The following RALGAPA1 variants were observed in gnomAD, a reference collection of about 807,000 sequenced individuals.
RALGAPA1 encodes the protein ral GTPase-activating protein subunit alpha-1.
RALGAPA1 carries 52 observed loss-of-function variants against 269.6 expected under a neutral mutation model. The ratio of observed to expected loss-of-function variants is 0.19; its 90% CI spans 0.15 to 0.24. The LOEUF is 0.24. Among genes scored for constraint, RALGAPA1 ranks in the 10% least tolerant of loss-of-function variants. The pLI is 1.00. For synonymous variants in RALGAPA1, 817 were observed against 1,008.3 expected (o/e 0.81, Z 3.60); for missense variants, 1,917 against 3,013.9 (o/e 0.64, Z 8.52).
At chr14:35,552,782 C>T (rs2055152537) in intron 39 of RALGAPA1, among the ~76,000 whole-genome samples, 1 of 150,924 alleles carries the variant, frequency 6.6e-6, no homozygotes, top group Admixed American at 6.6e-5. Context: ...TCCACTAATC[C>T]TCCTTCCGCT....
intron 12 of RALGAPA1, among the ~76,000 whole-genome samples, chr14:35,731,522 A>G (rs1464333353): frequency 6.6e-6 from 1 of 152,212 alleles, no homozygotes; most frequent in Non-Finnish European, 1.5e-5. Flanking sequence ...TCAAGGAATT[A>G]AATAGCTTAA....
chr14:35,802,141 C>G (rs952693997), intron 1 of RALGAPA1, among the ~76,000 whole-genome samples: 24 of 152,146 alleles, frequency 1.6e-4, no homozygotes, highest in African/African-American at 5.6e-4. Flanking sequence ...AACCCCGTCT[C>G]TACTACAAAC....
chr14:35,648,113 GAAAAAAACAAAA>G (rs1288268038), intron 31 of RALGAPA1, among the ~76,000 whole-genome samples: 3 of 146,476 alleles, frequency 2.0e-5, no homozygotes, highest in Non-Finnish European at 3.0e-5. Context: ...CATCTCTACT[GAAAAAAACAAAA>G]AAAAAAACCA....
At chr14:35,581,660 G>A (rs527872739) in intron 37 of RALGAPA1, among the ~76,000 whole-genome samples, 1 of 152,212 alleles carries the variant, frequency 6.6e-6, no homozygotes, top group Non-Finnish European at 1.5e-5. Context: ...GGAAATACAA[G>A]TCAAAAGCAC....
intron 31 of RALGAPA1, among the ~76,000 whole-genome samples, chr14:35,641,056 C>T (rs1183798764): frequency 6.6e-6 from 1 of 151,856 alleles, no homozygotes; most frequent in Non-Finnish European, 1.5e-5. Flanking sequence ...CACCTCCTCC[C>T]CTCCCCCCAC....
At chr14:35,608,763 C>G (rs1045533418) in intron 35 of RALGAPA1, among the ~76,000 whole-genome samples, 2 of 152,122 alleles carry the variant, frequency 1.3e-5, no homozygotes, top group Non-Finnish European at 2.9e-5. Flanking sequence ...TTTTAATATC[C>G]CACTTTCAAT....
intron 39 of RALGAPA1, among the ~76,000 whole-genome samples, chr14:35,557,090 C>A: frequency 8.6e-6 from 1 of 116,408 alleles, no homozygotes. Context: ...TATGATTATC[C>A]AATATGTATG....
chr14:35,714,491 A>G (rs1425728317), intron 16 of RALGAPA1, among the ~76,000 whole-genome samples: 1 of 152,150 alleles, frequency 6.6e-6, no homozygotes, highest in East Asian at 1.9e-4. Flanking sequence ...TTTACCTTAT[A>G]TTTTTAAAGT....
intron 7 of RALGAPA1, among the ~76,000 whole-genome samples, chr14:35,752,571 G>C (rs1266786643): frequency 2.6e-5 from 4 of 152,150 alleles, no homozygotes; most frequent in Non-Finnish European, 4.4e-5. Context: ...ACAGGACGCA[G>C]GGCATCCATA....
At chr14:35,571,472 C>T (rs994685384) in intron 38 of RALGAPA1, among the ~76,000 whole-genome samples, 1 of 151,712 alleles carries the variant, frequency 6.6e-6, no homozygotes, top group South Asian at 2.1e-4. Flanking sequence ...GTCAAGAGTT[C>T]GAGACCAGCC....
intron 35 of RALGAPA1, among the ~76,000 whole-genome samples, chr14:35,610,527 C>T (rs2059866838): frequency 6.6e-6 from 1 of 152,116 alleles, no homozygotes; most frequent in Non-Finnish European, 1.5e-5. Context: ...TGTGATCCGC[C>T]CTCCTCCGTC....
At chr14:35,718,996 C>T (rs1432089976) in intron 16 of RALGAPA1, among the ~76,000 whole-genome samples, 1 of 151,968 alleles carries the variant, frequency 6.6e-6, no homozygotes, top group Non-Finnish European at 1.5e-5. Context: ...TGCGCCACCA[C>T]ACCCAGCTAA....
chr14:35,630,563 T>A (rs992361814), intron 33 of RALGAPA1, among the ~76,000 whole-genome samples: 1 of 152,198 alleles, frequency 6.6e-6, no homozygotes, highest in East Asian at 1.9e-4. Flanking sequence ...ATTACAAGTG[T>A]GAGTGACTGC....
chr14:35,665,843 C>G (rs2063885181), intron 26 of RALGAPA1, among the ~76,000 whole-genome samples: 1 of 152,044 alleles, frequency 6.6e-6, no homozygotes, highest in Non-Finnish European at 1.5e-5. Context: ...GGTATGTGCA[C>G]ATAATGGGAG....
At chr14:35,662,019 A>G (rs1299636975) in intron 27 of RALGAPA1, among the ~76,000 whole-genome samples, 4 of 152,214 alleles carry the variant, frequency 2.6e-5, no homozygotes, top group Middle Eastern at 3.2e-3. Context: ...GATGACGAAA[A>G]TGTTCTAATA....
intron 32 of RALGAPA1, 118 bp from the exon 33 acceptor site, chr14:35,634,875 T>A: frequency 9.6e-7 from 1 of 1,046,352 alleles, no homozygotes; most frequent in Non-Finnish European, 1.3e-6. Context: ...TTAAATATTT[T>A]AAAACATCAG....
intron 1 of RALGAPA1, among the ~76,000 whole-genome samples, chr14:35,800,052 T>C (rs1305768338): frequency 6.6e-5 from 10 of 152,118 alleles, no homozygotes; most frequent in Admixed American, 5.9e-4. Context: ...ATCCTAAAGG[T>C]TTAGGCAGCT....
rs2057456195 is a variant in RALGAPA1, at chr14:35,575,046, T to C, written c.7210-2328A>G. Among the ~76,000 whole-genome samples, 4 of 151,700 alleles carry C rather than the reference T, an allele frequency of 2.6e-5. No individual in the cohort carries two copies. The South Asian group carries it at 8.3e-4, about 32-fold the overall frequency. ...AGGAGGCTGAGGAGGGAGGATTCCTTGAACCTGGGAGGCAGAAGTTGCAGA... is the reference window on the plus strand; with the variant it reads ...AGGAGGCTGAGGAGGGAGGATTCCTCGAACCTGGGAGGCAGAAGTTGCAGA... On this transcript the variant is annotated intron_variant, in intron 37 of 41. Coordinates refer to ENST00000680220, the MANE Select transcript of RALGAPA1 (RefSeq NM_001346249.2).
intron 28 of RALGAPA1, among the ~76,000 whole-genome samples, 157 bp downstream of exon 28, chr14:35,658,981 A>G (rs1055352472): frequency 2.6e-5 from 4 of 152,150 alleles, no homozygotes; most frequent in African/African-American, 9.6e-5. Flanking sequence ...AAATCATGAA[A>G]AAAAGTAAGA....
Sources: allele counts gnomAD v4.1 joint callset (sites outside exome capture counted in the v4.1 genomes callset), GRCh38; gene constraint gnomAD v4.1.1; transcripts MANE v1.5; gene names NCBI Gene and HGNC (gene_info 2026-07-23, HGNC 2026-07-21).